The following BRWD3 variants were observed in gnomAD, a reference collection of about 807,000 sequenced individuals.
BRWD3 encodes bromodomain and WD repeat-containing protein 3.
BRWD3 carries 10 observed loss-of-function variants against 149.7 expected under a neutral mutation model. The ratio of observed to expected loss-of-function variants is 0.07; its 90% CI spans 0.04 to 0.11. The LOEUF (loss-of-function observed/expected upper bound fraction) is 0.11. Among genes scored for constraint, BRWD3 ranks in the 10% least tolerant of loss-of-function variants. The pLI, the probability that BRWD3 is intolerant of heterozygous loss-of-function variation, is 1.00. For missense variants in BRWD3, 940 were observed against 1,373.2 expected (o/e 0.68, Z 4.99); for synonymous variants, 504 against 456.7 (o/e 1.10, Z -1.32).
intron 6 of BRWD3, among the ~76,000 whole-genome samples, chrX:80,749,229 A>C (rs769919350): frequency 1.8e-5 from 2 of 111,375 alleles, no homozygotes; most frequent in East Asian, 5.7e-4. Flanking sequence ...TTCCTTATTG[A>C]TTTTCTGTCT....
intron 6 of BRWD3, among the ~76,000 whole-genome samples, chrX:80,783,501 T>C (rs1436856742): frequency 1.8e-5 from 2 of 110,468 alleles, no homozygotes; most frequent in Non-Finnish European, 3.8e-5. Flanking sequence ...GCCACTATGG[T>C]TAACAGTATG....
chrX:80,706,590 A>T (rs1443791776), intron 22 of BRWD3, among the ~76,000 whole-genome samples: 5 of 112,342 alleles, frequency 4.5e-5, no homozygotes, highest in Non-Finnish European at 9.4e-5. Context: ...AACGGAAGGT[A>T]TTCAGAGACA....
rs1444114705 is a variant in BRWD3 at position 80,722,796 on chromosome X, C to T, written c.1651-9G>A. On this transcript the variant is annotated splice_polypyrimidine_tract_variant and intron_variant, in intron 16 of 40. Transcript: ENST00000373275. ...AACATCTGATCTGGAATCTTTATGA[C>T]AGATTTTTAGTGGGTTAACATACAC... 2.5e-6 allele frequency: 3 copies of T among 1,183,706 alleles called. No individual in the cohort carries two copies. Among genetic ancestry groups the T allele is most frequent in the Non-Finnish European group, 3.4e-6 (3 of 870,040 alleles).
At chrX:80,715,964 G>A (rs2073068872) in intron 20 of BRWD3, among the ~76,000 whole-genome samples, 193 bp downstream of exon 20, 1 of 111,162 alleles carries the variant, frequency 9.0e-6, no homozygotes. Flanking sequence ...AGATTTGGGG[G>A]GACACTCGAC....
chrX:80,689,016 T>A lies in BRWD3; in HGVS notation c.3807+752A>T, dbSNP rs186453407. Among the ~76,000 whole-genome samples the A allele has an allele frequency of 2.7e-3, 302 of 110,817 alleles. 2 individuals carry two copies. Among genetic ancestry groups the A allele is most frequent in the Middle Eastern group, 9.6e-3 (2 of 209 alleles). ...AAATAAAAAAAAACAGCATTGGAGA[T>A]TTACCATTCTGGAGATTAACGGTAT... On this transcript the variant is annotated intron_variant, in intron 33 of 40. Coordinates refer to ENST00000373275, the MANE Select transcript of BRWD3 (RefSeq NM_153252.5).
chrX:80,723,228 T>TTA (rs750580464), intron 16 of BRWD3, among the ~76,000 whole-genome samples: 13 of 111,521 alleles, frequency 1.2e-4, no homozygotes, highest in Admixed American at 9.5e-4. Flanking sequence ...ATTAATGCAA[T>TTA]TATTGAGCTG....
intron 20 of BRWD3, chrX:80,710,430 G>A (rs2072945556): frequency 2.9e-6 from 1 of 340,601 alleles, no homozygotes; most frequent in Non-Finnish European, 5.5e-6. Context: ...GTACTTACTT[G>A]GAGAGACATA....
intron 6 of BRWD3, among the ~76,000 whole-genome samples, chrX:80,779,035 C>T (rs924452718): frequency 9.0e-6 from 1 of 111,601 alleles, no homozygotes; most frequent in African/African-American, 3.3e-5. Context: ...AGAACGTGGT[C>T]GGGCATGGTG....
intron 6 of BRWD3, among the ~76,000 whole-genome samples, chrX:80,749,224 TATTG>T (rs1004093287): frequency 8.0e-5 from 9 of 111,839 alleles, no homozygotes; most frequent in Non-Finnish European, 1.5e-4. Context: ...AATGTTTCCT[TATTG>T]ATTTTCTGTC....
chrX:80,721,989 G>A (rs754043968), intron 17 of BRWD3, among the ~76,000 whole-genome samples: 48 of 111,446 alleles, frequency 4.3e-4, no homozygotes, highest in Non-Finnish European at 6.6e-4. Flanking sequence ...TGGGATTACA[G>A]CCGTGCACCA....
At chrX:80,807,114 G>A (rs2074355639) in intron 4 of BRWD3, among the ~76,000 whole-genome samples, 1 of 111,983 alleles carries the variant, frequency 8.9e-6, no homozygotes, top group Admixed American at 9.5e-5. Flanking sequence ...AAACATATTA[G>A]TAGGCACTGT....
intron 20 of BRWD3, 83 bp from the exon 21 acceptor site, chrX:80,709,660 G>A: frequency 1.2e-6 from 1 of 859,581 alleles, no homozygotes; most frequent in Non-Finnish European, 1.6e-6. Context: ...AAATTAGGTG[G>A]GGGGTAGGGG....
In BRWD3 at chrX:80,716,141, G is replaced by A. The variant is rs200446613; in HGVS notation, c.2325+16C>T. ...TGCAAATAGTGTATCCCAAAGTATT[G>A]TAAAACTATACTTACCCTTTGAGTA... On this transcript the variant is annotated intron_variant, in intron 20 of 40. Coordinates refer to ENST00000373275, the MANE Select transcript of BRWD3 (RefSeq NM_153252.5). 1.0e-4 allele frequency: 119 copies of A among 1,158,166 alleles called. No individual in the cohort carries two copies. In the East Asian group the frequency reaches 3.3e-3, roughly 32 times the overall value.
At chrX:80,736,918 C>G (rs1037636558) in intron 8 of BRWD3, among the ~76,000 whole-genome samples, 1 of 111,429 alleles carries the variant, frequency 9.0e-6, no homozygotes, top group Non-Finnish European at 1.9e-5. Flanking sequence ...TTTAAAATCC[C>G]AAATGAAGAT....
chrX:80,678,546 T>C (rs935041155), intron 40 of BRWD3, among the ~76,000 whole-genome samples: 4 of 111,349 alleles, frequency 3.6e-5, no homozygotes, highest in Admixed American at 9.6e-5. Context: ...GGAGATATAA[T>C]TGCGGAAATT....
intron 17 of BRWD3, 107 bp downstream of exon 17, chrX:80,722,455 T>C: frequency 1.3e-6 from 1 of 741,302 alleles, no homozygotes; most frequent in Non-Finnish European, 2.1e-6. Context: ...ATGAAACATA[T>C]TATAACCTAC....
intron 4 of BRWD3, among the ~76,000 whole-genome samples, chrX:80,802,910 C>T (rs1256907927): frequency 9.1e-6 from 1 of 110,445 alleles, no homozygotes; most frequent in African/African-American, 3.3e-5. Context: ...TCGAGACCAT[C>T]CTGGCTAACA....
intron 4 of BRWD3, among the ~76,000 whole-genome samples, chrX:80,795,622 T>C (rs2074230928): frequency 1.8e-5 from 2 of 109,777 alleles, no homozygotes; most frequent in African/African-American, 6.6e-5. Flanking sequence ...GGCTCATGCC[T>C]GTAATCCCAG....
In BRWD3 at chrX:80,696,767, T is replaced by G; in HGVS notation, c.3040A>C (p.Lys1014Gln). 1 of 1,210,915 alleles carries G rather than the reference T, an allele frequency of 8.3e-7. No homozygotes were observed. The highest frequency in any genetic ancestry group is 1.1e-6 in the Non-Finnish European group (1 of 894,939). Residue 1014 changes from lysine to glutamine, a missense_variant, in exon 26 of 41, where the codon AAA becomes CAA. By Grantham distance (53) the Lys-to-Gln change is moderately conservative. Around this residue, in one of 6 missense-constraint regions of BRWD3, gnomAD observed 158 missense variants for 284.0 expected, o/e 0.56. Coordinates refer to ENST00000373275, the MANE Select transcript of BRWD3 (RefSeq NM_153252.5). ...KLAFLDPISG[K>Q]MTGESFSIKY... is the part of the protein sequence containing the mutation. ...ATGGAAAAAGATTCTCCAGTCATTT[T>G]GCCTGAAATTGGGTCCAGAAATGCA...
Sources: gnomAD v4.1 joint callset for allele counts (sites outside exome capture counted in the v4.1 genomes callset) on GRCh38, gnomAD v4.1.1 for gene constraint, gnomAD v4.1.1 regional missense constraint, MANE v1.5 for transcripts, NCBI Gene and HGNC (gene_info 2026-07-23, HGNC 2026-07-21) for gene names.